The following ATXN7L1 variants were observed in gnomAD, a reference collection of about 807,000 sequenced individuals.
The protein encoded by ATXN7L1 is ataxin 7 like 1.
A neutral mutation model predicts 70.8 loss-of-function variants in ATXN7L1; 15 were observed. The ratio of observed to expected loss-of-function variants is 0.21; its 90% confidence interval spans 0.14 to 0.33. The LOEUF is 0.33. Among genes scored for constraint, ATXN7L1 ranks in the 10% least tolerant of loss-of-function variants. ATXN7L1 has a pLI of 1.00. For synonymous variants in ATXN7L1, 440 were observed against 445.1 expected (o/e 0.99, Z 0.14); for missense variants, 975 against 1,097.1 (o/e 0.89, Z 1.57).
chr7:105,624,486 C>T (rs1795389816), intron 7 of ATXN7L1, among the ~76,000 whole-genome samples: 2 of 152,048 alleles, frequency 1.3e-5, no homozygotes, highest in Admixed American at 1.3e-4. Context: ...CCCGTCTCTA[C>T]TAAAATACAA....
chr7:105,842,584 A>G (rs1008255249), intron 2 of ATXN7L1, among the ~76,000 whole-genome samples: 3 of 152,192 alleles, frequency 2.0e-5, no homozygotes, highest in African/African-American at 7.2e-5. Context: ...TGTAGGATAT[A>G]CTACATTCTA....
At position 105,705,575 on chromosome 7, in the gene ATXN7L1, G is replaced by A. The variant is rs191825749; in HGVS notation, c.356-40287C>T. On this transcript the variant is annotated intron_variant, in intron 3 of 11. Coordinates refer to ENST00000419735, the MANE Select transcript of ATXN7L1 (RefSeq NM_020725.2). ...AAGGATCCGTCCCCAGGAATCTGTC[G>A]CAGCTCTCCCTGTCTCCAGGGCACC... is the stretch of plus-strand genomic sequence containing the variant. 9.9e-5 allele frequency among the ~76,000 whole-genome samples: 15 copies of A among 152,104 alleles called. No individual in the cohort carries two copies. In the East Asian group the frequency reaches 1.7e-3, roughly 18 times the overall value.
At chr7:105,629,305 ACT>A (rs1187493207) in intron 7 of ATXN7L1, among the ~76,000 whole-genome samples, 5 of 151,298 alleles carry the variant, frequency 3.3e-5, no homozygotes, top group South Asian at 2.1e-4. Flanking sequence ...CTGGCACTCT[ACT>A]CTCTCTGTGA....
intron 3 of ATXN7L1, among the ~76,000 whole-genome samples, chr7:105,776,541 T>C (rs1802758990): frequency 6.6e-6 from 1 of 151,706 alleles, no homozygotes; most frequent in Admixed American, 6.6e-5. Context: ...ATATTGGGCA[T>C]CAACTTTTGA....
At position 105,835,760 on chromosome 7, in the gene ATXN7L1, A is replaced by G. The variant is rs942361666; in HGVS notation, c.250+40052T>C. On this transcript the variant is annotated intron_variant, in intron 2 of 11. Transcript: ENST00000419735. Reference sequence around the variant, plus strand: ...CCTTCATAAAACCAAAATAAATCCCATTTTCTTAAAGGATAGAAAAACCCT... The same window carrying G: ...CCTTCATAAAACCAAAATAAATCCCGTTTTCTTAAAGGATAGAAAAACCCT... 4.6e-5 allele frequency among the ~76,000 whole-genome samples: 7 copies of G among 152,112 alleles called. No individual in the cohort carries two copies. The East Asian group carries it at 1.3e-3, about 29-fold the overall frequency.
chr7:105,876,521 G>A lies in ATXN7L1; in HGVS notation c.38C>T (p.Ala13Val). 1 of 1,611,222 alleles carries A rather than the reference G, an allele frequency of 6.2e-7. No individual in the cohort carries two copies. The highest frequency in any genetic ancestry group is 8.5e-7 in the Non-Finnish European group (1 of 1,178,616). ...TTTCCCTGTTCCTTCGGCAGCAGCA[G>A]CCGAGAGACACGGGATTCGAGAACG... ...SERSRIPCLS[A>V]AAAEGTGKKQ... Residue 13 changes from alanine (A) to valine (V), a missense_variant, in exon 1 of 12, where the codon GCT becomes GTT. Transcript: ENST00000419735.
chr7:105,832,547 C>A (rs1220620164), intron 2 of ATXN7L1, among the ~76,000 whole-genome samples: 18 of 152,210 alleles, frequency 1.2e-4, no homozygotes, highest in Admixed American at 1.2e-3. Flanking sequence ...CGAAAACACA[C>A]CTGCCCCCAA....
intron 2 of ATXN7L1, among the ~76,000 whole-genome samples, chr7:105,789,826 G>A (rs775649961): frequency 2.3e-4 from 35 of 151,960 alleles, no homozygotes; most frequent in Non-Finnish European, 2.2e-4. Flanking sequence ...GATCAGTTAC[G>A]TGGCAATACC....
intron 7 of ATXN7L1, among the ~76,000 whole-genome samples, chr7:105,637,131 T>C (rs1233941728): frequency 6.6e-6 from 1 of 152,134 alleles, no homozygotes; most frequent in African/African-American, 2.4e-5. Flanking sequence ...GATGGAAGTG[T>C]TGGGGATGGC....
At chr7:105,653,361 T>C (rs761021398) in intron 4 of ATXN7L1, among the ~76,000 whole-genome samples, 4 of 152,050 alleles carry the variant, frequency 2.6e-5, no homozygotes, top group Non-Finnish European at 5.9e-5. Context: ...GGCAGGAGAA[T>C]TGCTTGAACC....
intron 3 of ATXN7L1, among the ~76,000 whole-genome samples, chr7:105,698,515 C>T (rs1792030864): frequency 6.6e-6 from 1 of 152,146 alleles, no homozygotes; most frequent in East Asian, 1.9e-4. Context: ...CAGGCATGCA[C>T]CACCATGCCT....
chr7:105,611,204 TC>T (rs1353622317), intron 10 of ATXN7L1, among the ~76,000 whole-genome samples: 1 of 152,190 alleles, frequency 6.6e-6, no homozygotes, highest in Non-Finnish European at 1.5e-5. Flanking sequence ...ACTGTGCCCT[TC>T]CCCTTCCTCT....
In ATXN7L1 at chr7:105,671,203, A is replaced by G. The variant is rs1053985023; in HGVS notation, c.356-5915T>C. 4.0e-5 allele frequency among the ~76,000 whole-genome samples: 6 copies of G among 151,432 alleles called. No individual in the cohort carries two copies. The South Asian group carries it at 1.3e-3, about 32-fold the overall frequency. The stretch of plus-strand genomic sequence containing the variant: ...GAGGCTGCGGCAGGAGAATCACTTG[A>G]ACCCGGGAGGCGGAGGTTGCAGTGA... On this transcript the variant is annotated intron_variant, in intron 3 of 11. Coordinates refer to ENST00000419735, the MANE Select transcript of ATXN7L1 (RefSeq NM_020725.2).
chr7:105,689,914 G>C (rs1365746933), intron 3 of ATXN7L1, among the ~76,000 whole-genome samples: 1 of 152,200 alleles, frequency 6.6e-6, no homozygotes, highest in Non-Finnish European at 1.5e-5. Flanking sequence ...TGGGGCCAGT[G>C]TGAGAAAGCA....
chr7:105,674,485 T>G (rs1804309504), intron 3 of ATXN7L1, among the ~76,000 whole-genome samples: 1 of 152,182 alleles, frequency 6.6e-6, no homozygotes, highest in African/African-American at 2.4e-5. Flanking sequence ...TTTTTCTTCT[T>G]AGATATCAGA....
intron 2 of ATXN7L1, among the ~76,000 whole-genome samples, chr7:105,813,831 G>A (rs1808802821): frequency 6.6e-6 from 1 of 151,560 alleles, no homozygotes; most frequent in Non-Finnish European, 1.5e-5. Context: ...TTTTCCCCCA[G>A]TATCCTAGGA....
At chr7:105,839,489 T>C (rs574833573) in intron 2 of ATXN7L1, among the ~76,000 whole-genome samples, 104 of 152,336 alleles carry the variant, frequency 6.8e-4, no homozygotes, top group Admixed American at 6.6e-3. Context: ...ATGAGCCTGT[T>C]TGGCCATTCA....
At chr7:105,629,733 G>A (rs1416256739) in intron 7 of ATXN7L1, among the ~76,000 whole-genome samples, 1 of 151,730 alleles carries the variant, frequency 6.6e-6, no homozygotes, top group Admixed American at 6.6e-5. Context: ...AACCAGGCTG[G>A]TCTCAAACTC....
chr7:105,840,028 C>T (rs1812968185), intron 2 of ATXN7L1, among the ~76,000 whole-genome samples: 1 of 152,064 alleles, frequency 6.6e-6, no homozygotes, highest in Non-Finnish European at 1.5e-5. Context: ...CCAGGTGGAC[C>T]AAGGCAGCAG....
Sources: gnomAD v4.1 joint callset for allele counts (sites outside exome capture counted in the v4.1 genomes callset) on GRCh38, gnomAD v4.1.1 for gene constraint, MANE v1.5 for transcripts, NCBI Gene and HGNC (gene_info 2026-07-23, HGNC 2026-07-21) for gene names.